Variants in PKHD1 observed in about 807,000 individuals in gnomAD.
The protein encoded by PKHD1 is PKHD1 ciliary IPT domain containing fibrocystin/polyductin, also known as fibrocystin.
A neutral mutation model predicts 412.0 loss-of-function variants in PKHD1; 291 were observed. The observed-to-expected ratio is 0.71, with a 90% CI of 0.64 to 0.78. PKHD1 has a LOEUF of 0.78. Ranked by LOEUF, PKHD1 falls within the 30% of genes least tolerant of loss-of-function variation. The pLI, the probability that PKHD1 is intolerant of heterozygous loss-of-function variation, is 0.00. For synonymous variants in PKHD1, 1,777 were observed against 1,821.5 expected, an observed-to-expected ratio of 0.98 and a Z score of 0.62; for missense variants, 4,825 against 4,950.7, an observed-to-expected ratio of 0.97 and a Z score of 0.76.
At chr6:51,993,058 A>G (rs1197133355) in intron 35 of PKHD1, among the ~76,000 whole-genome samples, 1 of 152,256 alleles carries the variant, frequency 6.6e-6, no homozygotes, top group Non-Finnish European at 1.5e-5. Context: ...AGAATCCTGC[A>G]CTACCAGTCC....
rs536350285 is a variant in PKHD1, at chr6:51,964,591, C to G, written c.5752-4565G>C. On this transcript the variant is annotated intron_variant, in intron 35 of 66. Coordinates refer to ENST00000371117, the MANE Select transcript of PKHD1 (RefSeq NM_138694.4). The stretch of plus-strand genomic sequence containing the variant: ...TGCTTTTCTGCTGTATCCCTAGAAC[C>G]TACAATAATGCCTGGCATCTATTGG... Among the ~76,000 whole-genome samples, 13 of 152,190 alleles carry G rather than the reference C, an allele frequency of 8.5e-5. No individual in the cohort carries two copies. The South Asian group carries it at 2.7e-3, about 32-fold the overall frequency.
At chr6:51,861,137 A>C (rs1482762493) in intron 48 of PKHD1, among the ~76,000 whole-genome samples, 1 of 152,150 alleles carries the variant, frequency 6.6e-6, no homozygotes, top group Non-Finnish European at 1.5e-5. Flanking sequence ...ATTCAGGGAA[A>C]TGTTCCATTA....
At chr6:51,652,004 G>A (rs749944794) in intron 61 of PKHD1, among the ~76,000 whole-genome samples, 1 of 152,104 alleles carries the variant, frequency 6.6e-6, no homozygotes, top group Non-Finnish European at 1.5e-5. Context: ...GCAACTTATT[G>A]CAAGCAACCT....
At chr6:51,719,178 T>C (rs113031654) in intron 60 of PKHD1, among the ~76,000 whole-genome samples, 26 of 151,870 alleles carry the variant, frequency 1.7e-4, no homozygotes, top group African/African-American at 6.0e-4. Context: ...TAATAAAGAG[T>C]GTGCCAAATT....
chr6:51,893,484 C>T (rs190204970), intron 43 of PKHD1, among the ~76,000 whole-genome samples: 1 of 152,328 alleles, frequency 6.6e-6, no homozygotes, highest in African/African-American at 2.4e-5. Flanking sequence ...AAAAGAAGCA[C>T]TTTAACAGTC....
chr6:51,836,275 T>C (rs1769200853), intron 51 of PKHD1, 129 bp downstream of exon 51: 1 of 729,576 alleles, frequency 1.4e-6, no homozygotes, highest in Non-Finnish European at 2.5e-6. Context: ...CAATAGAGAG[T>C]TATCAGACAT....
At chr6:52,047,904 C>G (rs1806115391) in intron 23 of PKHD1, among the ~76,000 whole-genome samples, 1 of 152,214 alleles carries the variant, frequency 6.6e-6, no homozygotes, top group Non-Finnish European at 1.5e-5. Context: ...AAAGATGTGG[C>G]TAAGGGTCTT....
intron 55 of PKHD1, among the ~76,000 whole-genome samples, chr6:51,770,622 A>G (rs1188039787): frequency 2.8e-4 from 40 of 145,278 alleles, no homozygotes; most frequent in Admixed American, 2.7e-3. Context: ...TTATTCTTTT[A>G]CCATTTCATT....
chr6:51,725,445 A>G (rs1782456056), intron 60 of PKHD1, among the ~76,000 whole-genome samples: 1 of 152,172 alleles, frequency 6.6e-6, no homozygotes, highest in South Asian at 2.1e-4. Flanking sequence ...GGGATTTCTC[A>G]CCATGCAACC....
intron 27 of PKHD1, among the ~76,000 whole-genome samples, chr6:52,036,233 C>T (rs1161711746): frequency 2.0e-5 from 3 of 152,184 alleles, no homozygotes; most frequent in Non-Finnish European, 4.4e-5. Context: ...AATGTTAGCC[C>T]TTCCAGCTTT....
chr6:51,911,018 T>C (rs1355392420), intron 39 of PKHD1, among the ~76,000 whole-genome samples: 1 of 152,076 alleles, frequency 6.6e-6, no homozygotes. Context: ...TGCTGGCATC[T>C]CAGTTATGAC....
rs1446590572 is a variant in PKHD1 at position 51,868,001 on chromosome 6, G to C, written c.7595C>G (p.Ser2532Cys). The change falls in exon 48 of 67, where the codon TCT becomes TGT. Residue 2532 changes from serine (S) to cysteine (C), a missense_variant. Transcript: ENST00000371117. Reference protein sequence around the residue: ...AILEDLDGSLSGKNRSHILAS... With the variant: ...AILEDLDGSLCGKNRSHILAS... ...AAGAATGTGACTTCTGTTTTTCCCA[G>C]ACAGAGACCCATCCAAGTCTTCCAA... The C allele has an allele frequency of 1.2e-6, 2 of 1,612,898 alleles. No homozygotes were observed. Among genetic ancestry groups the C allele is most frequent in the Non-Finnish European group, 1.7e-6 (2 of 1,179,086 alleles).
chr6:51,701,032 T>G (rs527869344), intron 60 of PKHD1, among the ~76,000 whole-genome samples: 2 of 152,246 alleles, frequency 1.3e-5, no homozygotes, highest in Admixed American at 6.5e-5. Flanking sequence ...GAACCCACCT[T>G]ATCCTGGCAG....
chr6:51,668,863 T>C, intron 60 of PKHD1, among the ~76,000 whole-genome samples: 1 of 152,230 alleles, frequency 6.6e-6, no homozygotes, highest in Non-Finnish European at 1.5e-5. Flanking sequence ...GATTTGCATA[T>C]ATTGAACCAG....
At chr6:51,690,222 A>C (rs984481072) in intron 60 of PKHD1, among the ~76,000 whole-genome samples, 1 of 143,996 alleles carries the variant, frequency 6.9e-6, no homozygotes, top group Non-Finnish European at 1.5e-5. Flanking sequence ...TAGCGAGCCG[A>C]GATCATGACA....
chr6:51,897,035 G>C (rs1285585518), intron 43 of PKHD1, among the ~76,000 whole-genome samples: 8 of 150,938 alleles, frequency 5.3e-5, no homozygotes, highest in Admixed American at 2.0e-4. Context: ...ATCTACGTCT[G>C]ATTGGTGTAC....
chr6:52,043,199 G>A, intron 26 of PKHD1, 65 bp from the exon 27 acceptor site: 1 of 1,290,032 alleles, frequency 7.8e-7, no homozygotes. Context: ...CTTCATTTGA[G>A]AGACCTCTCA....
At chr6:51,707,630 T>C (rs1780164955) in intron 60 of PKHD1, among the ~76,000 whole-genome samples, 1 of 152,080 alleles carries the variant, frequency 6.6e-6, no homozygotes, top group Non-Finnish European at 1.5e-5. Context: ...GGTAAAATGT[T>C]TTACTCTCAC....
intron 27 of PKHD1, among the ~76,000 whole-genome samples, chr6:52,036,875 A>G (rs1440776975): frequency 6.6e-6 from 1 of 152,242 alleles, no homozygotes; most frequent in Non-Finnish European, 1.5e-5. Context: ...ATCTTTATAA[A>G]TTAAAGCATA....
Sources: allele counts gnomAD v4.1 joint callset (sites outside exome capture counted in the v4.1 genomes callset), GRCh38; gene constraint gnomAD v4.1.1; transcripts MANE v1.5; gene names NCBI Gene and HGNC (gene_info 2026-07-23, HGNC 2026-07-21).